Variants in FAN1 observed in about 807,000 individuals in gnomAD.
The protein encoded by FAN1 is FANCD2 and FANCI associated nuclease 1, also known as fanconi-associated nuclease 1.
Under a neutral mutation model 104.9 loss-of-function variants are expected in FAN1, and 91 were observed. The observed-to-expected ratio is 0.87, with a 90% CI of 0.73 to 1.03. The LOEUF is 1.03. Ranked by LOEUF, FAN1 falls within the 50% of genes least tolerant of loss-of-function variation. FAN1 has a pLI of 0.00. For synonymous variants in FAN1, 478 were observed against 457.6 expected, an observed-to-expected ratio of 1.04 and a Z score of -0.57; for missense variants, 1,263 against 1,239.9, an observed-to-expected ratio of 1.02 and a Z score of -0.28.
chr15:30,928,532 G>GTGTGTGTT, intron 10 of FAN1, 21 bp from the exon 11 acceptor site: 1 of 1,612,702 alleles, frequency 6.2e-7, no homozygotes, highest in South Asian at 1.1e-5. Flanking sequence ...GTGTGTGTGT[G>GTGTGTGTT]TGTGTGTGAC....
intron 12 of FAN1, 65 bp downstream of exon 12, chr15:30,929,462 CA>C (rs1289033301): frequency 1.0e-5 from 13 of 1,303,750 alleles, no homozygotes. Context: ...GCTGTCTTTT[CA>C]GCAACTTTAT....
At chr15:30,922,561 T>G (rs1442922007) in intron 8 of FAN1, among the ~76,000 whole-genome samples, 1 of 152,210 alleles carries the variant, frequency 6.6e-6, no homozygotes, top group Non-Finnish European at 1.5e-5. Flanking sequence ...AGCTTTTGTC[T>G]TCTCTTTGCT....
chr15:30,941,687 G>A lies in FAN1; in HGVS notation c.*125G>A, dbSNP rs1376875574. 3 of 1,613,628 alleles carry A rather than the reference G, an allele frequency of 1.9e-6. No homozygotes were observed. Among genetic ancestry groups the A allele is most frequent in the South Asian group, 1.1e-5 (1 of 91,028 alleles). On this transcript the variant is annotated 3_prime_UTR_variant, in exon 15 of 15. Transcript: ENST00000362065. The stretch of plus-strand genomic sequence containing the variant: ...GCTCTGGCCCAGCTCCCCATAGCAG[G>A]CCTCCAGGGGGCCACTGCGCTGTTG...
chr15:30,938,229 AG>A (rs1334062317), intron 14 of FAN1, among the ~76,000 whole-genome samples: 1 of 152,204 alleles, frequency 6.6e-6, no homozygotes, highest in African/African-American at 2.4e-5. Context: ...GTTTCCTTCA[AG>A]TAATTAATTA....
Position 30,941,878 on chromosome 15 carries a change from G to A in FAN1, c.*316G>A, listed in dbSNP as rs775312575. ...CAGAGACACGTGGCAGAATAACACC[G>A]TGCAGGTTGGCGGGTTTGGAAAACC... On this transcript the variant is annotated 3_prime_UTR_variant, in exon 15 of 15. Transcript: ENST00000362065. 6.8e-6 allele frequency: 11 copies of A among 1,614,020 alleles called. No individual in the cohort carries two copies. Among genetic ancestry groups the A allele is most frequent in the South Asian group, 3.3e-5 (3 of 91,090 alleles).
rs748666715 is a variant in FAN1 at position 30,925,214 on chromosome 15, C to T, written c.2260C>T (p.Arg754Ter). ...LSLYQRAVRL[R>*]ESPSCKKFKH... ...ACTGTATCAGCGAGCCGTGCGCCTG[C>T]GAGAGTCTCCGAGCTGTAAAAAGTT... The change falls in exon 9 of 15, where the codon CGA becomes TGA. Residue 754 changes from arginine to a stop codon, truncating the protein, a stop_gained. Coordinates refer to ENST00000362065, the MANE Select transcript of FAN1 (RefSeq NM_014967.5). LOFTEE classifies it high-confidence loss of function. 9.3e-6 allele frequency: 15 copies of T among 1,613,902 alleles called. No homozygotes were observed. Among genetic ancestry groups the T allele is most frequent in the Admixed American group, 3.3e-5 (2 of 59,994 alleles).
intron 5 of FAN1, among the ~76,000 whole-genome samples, chr15:30,917,317 G>C (rs913440926): frequency 2.0e-5 from 3 of 152,084 alleles, no homozygotes; most frequent in African/African-American, 7.2e-5. Context: ...TGGACTTGCG[G>C]TCAGGAGCTC....
At chr15:30,904,414 C>T (rs1264654155) in intron 1 of FAN1, 98 bp from the exon 2 acceptor site, 10 of 574,704 alleles carry the variant, frequency 1.7e-5, no homozygotes, top group Non-Finnish European at 2.1e-5. Context: ...GTTGTCTCCT[C>T]GTTACAGGAG....
intron 14 of FAN1, chr15:30,940,328 C>G (rs2062998815): frequency 2.0e-6 from 2 of 985,274 alleles, no homozygotes; most frequent in African/African-American, 3.5e-5. Context: ...TGCTCATTCT[C>G]CTCAACTTTG....
At chr15:30,906,211 A>G (rs2061975596) in intron 2 of FAN1, among the ~76,000 whole-genome samples, 1 of 152,204 alleles carries the variant, frequency 6.6e-6, no homozygotes, top group African/African-American at 2.4e-5. Flanking sequence ...AAAACAATAT[A>G]ATGTGACTTA....
At chr15:30,911,344 A>G (rs2062097299) in intron 4 of FAN1, 1 of 985,120 alleles carries the variant, frequency 1.0e-6, no homozygotes, top group African/African-American at 1.7e-5. Context: ...TAATCAAACT[A>G]TATCAACTCT....
chr15:30,927,059 C>A, intron 10 of FAN1: 1 of 976,982 alleles, frequency 1.0e-6, no homozygotes, highest in Non-Finnish European at 1.2e-6. Context: ...CACTTGTAAT[C>A]CCAGCACTTG....
chr15:30,918,328 A>G, intron 6 of FAN1, 33 bp downstream of exon 6: 1 of 1,610,244 alleles, frequency 6.2e-7, no homozygotes, highest in South Asian at 1.1e-5. Flanking sequence ...GCCAAAATTT[A>G]TACATTGACC....
At chr15:30,922,183 C>T in intron 7 of FAN1, 52 bp from the exon 8 acceptor site, 1 of 1,586,500 alleles carries the variant, frequency 6.3e-7, no homozygotes. Context: ...AATATCATTG[C>T]AGCTGGATTT....
chr15:30,913,816 C>T (rs372847367), intron 4 of FAN1, 42 bp from the exon 5 acceptor site: 5 of 1,331,894 alleles, frequency 3.8e-6, no homozygotes, highest in Non-Finnish European at 5.3e-6. Context: ...CATCCAAATG[C>T]TTAAAAAGCT....
intron 13 of FAN1, among the ~76,000 whole-genome samples, chr15:30,934,802 C>T (rs1367591646): frequency 6.6e-6 from 1 of 152,222 alleles, no homozygotes; most frequent in Non-Finnish European, 1.5e-5. Context: ...TCAGGTGATA[C>T]ACACTTTAGA....
chr15:30,930,455 G>C, intron 12 of FAN1, 88 bp from the exon 13 acceptor site: 1 of 1,472,082 alleles, frequency 6.8e-7, no homozygotes, highest in Non-Finnish European at 9.1e-7. Context: ...CATATACACT[G>C]AGCTTTTCTC....
In FAN1 at chr15:30,910,890, C is replaced by T. The variant is rs3794594; in HGVS notation, c.1577+75C>T. Reference sequence around the variant, plus strand: ...ATATTAACTTACAGTAGATTGTATACTTGATTGAACTGTAATTGTTTATTT... The same window carrying T: ...ATATTAACTTACAGTAGATTGTATATTTGATTGAACTGTAATTGTTTATTT... On this transcript the variant is annotated intron_variant, in intron 4 of 14. Transcript: ENST00000362065. The T allele has an allele frequency of 0.44, 653,141 of 1,493,206 alleles. 149,204 individuals are homozygous for T. Among genetic ancestry groups the T allele is most frequent in the East Asian group, 0.8 (32,496 of 40,506 alleles). The allele number at this position is 1,493,206 out of a possible 1,614,324, so 92.5% of individuals were successfully genotyped here.
chr15:30,910,934 G>A, intron 4 of FAN1, 119 bp downstream of exon 4: 2 of 1,393,884 alleles, frequency 1.4e-6, no homozygotes, highest in South Asian at 1.8e-5. Flanking sequence ...GTTAGATTGA[G>A]AAGGCTGGAA....
Sources: gnomAD v4.1 joint callset for allele counts (sites outside exome capture counted in the v4.1 genomes callset) on GRCh38, gnomAD v4.1.1 for gene constraint, MANE v1.5 for transcripts, NCBI Gene and HGNC (gene_info 2026-07-23, HGNC 2026-07-21) for gene names.